PDSS2: variants seen among roughly 807,000 people sequenced by gnomAD.
The protein encoded by PDSS2 is decaprenyl diphosphate synthase subunit 2.
PDSS2 carries 31 observed loss-of-function variants against 44.5 expected under a neutral mutation model. That is an observed-to-expected ratio of 0.70 (90% CI 0.52 to 0.94). The LOEUF is 0.94. Ranked by LOEUF, PDSS2 falls within the 40% of genes least tolerant of loss-of-function variation. PDSS2 has a pLI of 0.00. For synonymous variants in PDSS2, 157 were observed against 180.3 expected, an observed-to-expected ratio of 0.87 and a Z score of 1.03; for missense variants, 452 against 482.2, an observed-to-expected ratio of 0.94 and a Z score of 0.59.
intron 3 of PDSS2, among the ~76,000 whole-genome samples, chr6:107,257,300 G>A (rs1469260852): frequency 6.6e-6 from 1 of 152,050 alleles, no homozygotes; most frequent in East Asian, 1.9e-4. Flanking sequence ...ACACTTTGGG[G>A]GCTGAGGTGG....
At chr6:107,219,943 A>G (rs1386801378) in intron 4 of PDSS2, among the ~76,000 whole-genome samples, 1 of 152,244 alleles carries the variant, frequency 6.6e-6, no homozygotes. Context: ...AATAAAAAGG[A>G]ATTACTGACA....
intron 3 of PDSS2, among the ~76,000 whole-genome samples, chr6:107,269,574 G>C (rs1441735556): frequency 6.6e-6 from 1 of 152,084 alleles, no homozygotes; most frequent in East Asian, 1.9e-4. Context: ...TTCCCTAAAA[G>C]TCTCATGTAG....
intron 2 of PDSS2, among the ~76,000 whole-genome samples, chr6:107,298,544 C>T (rs1776586248): frequency 6.6e-6 from 1 of 151,968 alleles, no homozygotes; most frequent in South Asian, 2.1e-4. Flanking sequence ...GATCCTGGGA[C>T]CAAGATCCAT....
intron 4 of PDSS2, among the ~76,000 whole-genome samples, chr6:107,236,845 G>GA (rs890140112): frequency 6.6e-6 from 1 of 151,896 alleles, no homozygotes; most frequent in African/African-American, 2.4e-5. Context: ...TTCTTAATGG[G>GA]AAAAAAATCA....
At chr6:107,215,386 C>G (rs529748521) in intron 4 of PDSS2, among the ~76,000 whole-genome samples, 8 of 152,062 alleles carry the variant, frequency 5.3e-5, no homozygotes, top group Non-Finnish European at 1.2e-4. Context: ...AGTGAGAACC[C>G]TAACTCTAAA....
intron 4 of PDSS2, among the ~76,000 whole-genome samples, chr6:107,222,970 A>G (rs1018193704): frequency 2.7e-5 from 4 of 148,880 alleles, no homozygotes; most frequent in Admixed American, 6.7e-5. Context: ...TTTTTTTAAG[A>G]TGGAGTATCA....
At chr6:107,267,405 G>A (rs1381670037) in intron 3 of PDSS2, among the ~76,000 whole-genome samples, 3 of 152,142 alleles carry the variant, frequency 2.0e-5, no homozygotes, top group Non-Finnish European at 2.9e-5. Flanking sequence ...ATGGTGAAAA[G>A]GAGAGATGGA....
chr6:107,405,235 C>T (rs144105798), intron 1 of PDSS2, among the ~76,000 whole-genome samples: 8 of 152,068 alleles, frequency 5.3e-5, no homozygotes, highest in African/African-American at 1.9e-4. Flanking sequence ...CAAGCAAATG[C>T]TGTAGCAATT....
At chr6:107,343,739 A>C (rs1778151397) in intron 1 of PDSS2, among the ~76,000 whole-genome samples, 5 of 152,230 alleles carry the variant, frequency 3.3e-5, no homozygotes, top group Admixed American at 3.3e-4. Flanking sequence ...AGAAATAAAT[A>C]TGTCAAAAGG....
chr6:107,217,253 T>C (rs1298448042), intron 4 of PDSS2, among the ~76,000 whole-genome samples: 1 of 152,194 alleles, frequency 6.6e-6, no homozygotes, highest in Non-Finnish European at 1.5e-5. Flanking sequence ...AATGTTACCT[T>C]ACAAGGCAAA....
Position 107,347,957 on chromosome 6 carries a change from T to C in PDSS2, c.297-13625A>G, listed in dbSNP as rs1227399856. On this transcript the variant is annotated intron_variant, in intron 1 of 7. Transcript: ENST00000369037. ...GTCATCACCGGACTTCATCTCAGGATGCCATCCCCCACCCCCCACACAGTT... is the reference window on the plus strand; with the variant it reads ...GTCATCACCGGACTTCATCTCAGGACGCCATCCCCCACCCCCCACACAGTT... Among the ~76,000 whole-genome samples, 4 of 152,250 alleles carry C rather than the reference T, an allele frequency of 2.6e-5. No individual in the cohort carries two copies. In the East Asian group the frequency reaches 7.7e-4, roughly 29 times the overall value.
chr6:107,271,717 G>C (rs1004903633), intron 3 of PDSS2, among the ~76,000 whole-genome samples: 1 of 152,120 alleles, frequency 6.6e-6, no homozygotes, highest in African/African-American at 2.4e-5. Context: ...GAAAGGGCTG[G>C]GAAAAGAGGT....
chr6:107,168,832 C>T (rs1554248009), intron 7 of PDSS2, among the ~76,000 whole-genome samples: 1 of 152,172 alleles, frequency 6.6e-6, no homozygotes, highest in East Asian at 1.9e-4. Flanking sequence ...TGTAGGGTTT[C>T]TGCCGAGAGA....
intron 7 of PDSS2, among the ~76,000 whole-genome samples, chr6:107,166,581 G>T (rs1415466717): frequency 6.6e-6 from 1 of 152,024 alleles, no homozygotes. Context: ...ATCCAGGATG[G>T]TCTCGATCTC....
intron 1 of PDSS2, among the ~76,000 whole-genome samples, chr6:107,402,889 G>A (rs1780192772): frequency 6.6e-6 from 1 of 152,060 alleles, no homozygotes; most frequent in African/African-American, 2.4e-5. Context: ...TACAGTTCAA[G>A]ATGAGATTTG....
At chr6:107,442,803 T>C (rs1230195137) in intron 1 of PDSS2, among the ~76,000 whole-genome samples, 1 of 152,220 alleles carries the variant, frequency 6.6e-6, no homozygotes, top group Admixed American at 6.5e-5. Context: ...TTCACAAATG[T>C]AGCTTGAATC....
At chr6:107,350,115 T>C (rs931524542) in intron 1 of PDSS2, among the ~76,000 whole-genome samples, 2 of 152,226 alleles carry the variant, frequency 1.3e-5, no homozygotes, top group Admixed American at 1.3e-4. Context: ...GGGAAGATCA[T>C]AGATAGAAAC....
At chr6:107,221,702 G>A (rs1474262879) in intron 4 of PDSS2, among the ~76,000 whole-genome samples, 1 of 152,178 alleles carries the variant, frequency 6.6e-6, no homozygotes, top group African/African-American at 2.4e-5. Flanking sequence ...CTACTTTACT[G>A]CTCCGAGAGA....
chr6:107,330,604 C>T (rs1316798205), intron 2 of PDSS2, among the ~76,000 whole-genome samples: 1 of 152,044 alleles, frequency 6.6e-6, no homozygotes, highest in Non-Finnish European at 1.5e-5. Context: ...TTTTAATATG[C>T]ATTATATATT....
Sources: gnomAD v4.1 joint callset for allele counts (sites outside exome capture counted in the v4.1 genomes callset) on GRCh38, gnomAD v4.1.1 for gene constraint, MANE v1.5 for transcripts, NCBI Gene and HGNC (gene_info 2026-07-23, HGNC 2026-07-21) for gene names.